Variants in EPHA3 observed in about 807,000 individuals in gnomAD.
EPHA3 encodes EPH receptor A3.
A neutral mutation model predicts 107.1 loss-of-function variants in EPHA3; 42 were observed. That is an observed-to-expected ratio of 0.39 (90% CI 0.31 to 0.51). The LOEUF is 0.51. Among genes scored for constraint, EPHA3 ranks in the 20% least tolerant of loss-of-function variants. The pLI is 0.78. For missense variants in EPHA3, 1,183 were observed against 1,211.2 expected (o/e 0.98, Z 0.35); for synonymous variants, 461 against 424.8 (o/e 1.09, Z -1.05).
chr3:89,134,838 A>G (rs1704279670), intron 2 of EPHA3, among the ~76,000 whole-genome samples: 2 of 152,192 alleles, frequency 1.3e-5, no homozygotes, highest in South Asian at 4.1e-4. Context: ...CAACATCAGT[A>G]AGAAAATTGC....
intron 3 of EPHA3, among the ~76,000 whole-genome samples, chr3:89,267,290 T>C (rs1352153174): frequency 1.3e-5 from 2 of 152,150 alleles, no homozygotes; most frequent in Non-Finnish European, 2.9e-5. Context: ...ACAATTTTCT[T>C]TGTAAGTACA....
In EPHA3 at chr3:89,342,191, A is replaced by T. The variant is rs539611517; in HGVS notation, c.1306+101A>T. The T allele has an allele frequency of 1.2e-4, 129 of 1,072,640 alleles. No homozygotes were observed. In the Admixed American group the frequency reaches 1.2e-3, roughly 10 times the overall value. 66.4% of individuals were successfully genotyped at this position (1,072,640 alleles called of 1,614,324 possible). A position where few individuals can be genotyped will look rare whatever the true frequency, so the allele number is the denominator to read the frequency against. ...GGGCGGAAGGAAAAAAAGATTTTAT[A>T]GAACCCCAGGATTTTGCCTTCTAAC... On this transcript the variant is annotated intron_variant, in intron 5 of 16. Coordinates refer to ENST00000336596, the MANE Select transcript of EPHA3 (RefSeq NM_005233.6).
chr3:89,352,470 G>T (rs982005350), intron 5 of EPHA3, among the ~76,000 whole-genome samples: 1 of 151,066 alleles, frequency 6.6e-6, no homozygotes, highest in African/African-American at 2.4e-5. Context: ...CTCGTTCATG[G>T]TTTTATGGCC....
Position 89,219,686 on chromosome 3 carries a change from A to ATGTGTTTTTTTTTGTTTT in EPHA3, c.814+9169_814+9170insGTTTTTTTTTGTTTTTGT, listed in dbSNP as rs746458955. The stretch of plus-strand genomic sequence containing the variant: ...TGTTACCTCCAAGAGGCATTTGGCA[A>ATGTGTTTTTTTTTGTTTT]TGTTTTTTTTTTTTTTGTTTTTTGT... On this transcript the variant is annotated intron_variant, in intron 3 of 16. Coordinates refer to ENST00000336596, the MANE Select transcript of EPHA3 (RefSeq NM_005233.6). Among the ~76,000 whole-genome samples the ATGTGTTTTTTTTTGTTTT allele has an allele frequency of 1.3e-4, 5 of 38,812 alleles. No homozygotes were observed. In the East Asian group the frequency reaches 3.5e-3, roughly 27 times the overall value. The allele number at this position is 38,812 out of a possible 152,430, so 25.5% of individuals were successfully genotyped here. A position where few individuals can be genotyped will look rare whatever the true frequency, so the allele number is the denominator to read the frequency against.
chr3:89,185,372 C>G (rs1394772237), intron 2 of EPHA3, among the ~76,000 whole-genome samples: 1 of 151,918 alleles, frequency 6.6e-6, no homozygotes, highest in Non-Finnish European at 1.5e-5. Context: ...CTGAATTAAG[C>G]ATTTTATTGG....
intron 2 of EPHA3, among the ~76,000 whole-genome samples, chr3:89,189,130 C>A (rs550421025): frequency 6.6e-6 from 1 of 152,160 alleles, no homozygotes; most frequent in Non-Finnish European, 1.5e-5. Flanking sequence ...AAATTTTAGT[C>A]TTTCTCAGGA....
chr3:89,159,184 A>G (rs1289556174), intron 2 of EPHA3, among the ~76,000 whole-genome samples: 1 of 152,098 alleles, frequency 6.6e-6, no homozygotes, highest in Non-Finnish European at 1.5e-5. Flanking sequence ...ATAATCAAAG[A>G]TTTTATTTTT....
At chr3:89,417,159 C>A (rs1482701152) in intron 10 of EPHA3, among the ~76,000 whole-genome samples, 2 of 151,356 alleles carry the variant, frequency 1.3e-5, no homozygotes, top group Non-Finnish European at 3.0e-5. Flanking sequence ...TTCCTTTAAT[C>A]CCACAACAGC....
At chr3:89,193,509 G>C (rs1233556852) in intron 2 of EPHA3, among the ~76,000 whole-genome samples, 1 of 151,994 alleles carries the variant, frequency 6.6e-6, no homozygotes, top group Non-Finnish European at 1.5e-5. Context: ...GTAAGTGCTA[G>C]TGTTTTATAC....
At chr3:89,477,749 T>C (rs1442196774) in intron 16 of EPHA3, among the ~76,000 whole-genome samples, 1 of 152,154 alleles carries the variant, frequency 6.6e-6, no homozygotes, top group Non-Finnish European at 1.5e-5. Context: ...ATATTTTGTA[T>C]GTTTCTTTCT....
intron 3 of EPHA3, among the ~76,000 whole-genome samples, chr3:89,285,184 GCTGA>G (rs1706050929): frequency 6.6e-6 from 1 of 151,948 alleles, no homozygotes; most frequent in Non-Finnish European, 1.5e-5. Context: ...TTGTTTAATG[GCTGA>G]CAGTTTTAAA....
At chr3:89,381,362 C>T (rs1178839273) in intron 5 of EPHA3, among the ~76,000 whole-genome samples, 1 of 151,632 alleles carries the variant, frequency 6.6e-6, no homozygotes, top group Admixed American at 6.6e-5. Context: ...GTCCCCTCCA[C>T]ATTTATACAT....
At chr3:89,366,182 T>C (rs1243650986) in intron 5 of EPHA3, among the ~76,000 whole-genome samples, 1 of 150,340 alleles carries the variant, frequency 6.7e-6, no homozygotes, top group Non-Finnish European at 1.5e-5. Context: ...ACAGAACCAA[T>C]ACATTCATCA....
chr3:89,259,096 C>T (rs1705355626), intron 3 of EPHA3, among the ~76,000 whole-genome samples: 1 of 152,192 alleles, frequency 6.6e-6, no homozygotes, highest in African/African-American at 2.4e-5. Context: ...TGTGGGGATG[C>T]TGTACAGTTT....
At chr3:89,474,506 A>G (rs1710467546) in intron 16 of EPHA3, among the ~76,000 whole-genome samples, 1 of 152,216 alleles carries the variant, frequency 6.6e-6, no homozygotes, top group Non-Finnish European at 1.5e-5. Flanking sequence ...AGAGCACAGA[A>G]GCATAGCGAA....
At chr3:89,469,938 C>T (rs1710367522) in intron 15 of EPHA3, among the ~76,000 whole-genome samples, 1 of 151,898 alleles carries the variant, frequency 6.6e-6, no homozygotes, top group African/African-American at 2.4e-5. Flanking sequence ...TCTTTCATTT[C>T]AAGTATATAA....
chr3:89,135,731 A>G lies in EPHA3; in HGVS notation c.153+8458A>G, dbSNP rs1015760377. On this transcript the variant is annotated intron_variant, in intron 2 of 16. Transcript: ENST00000336596. The stretch of plus-strand genomic sequence containing the variant: ...ATATTTAGTTAAATGTAGCTAGAAA[A>G]TACAACTGGCTTGTGAACTGAAGTT... Among the ~76,000 whole-genome samples the G allele has an allele frequency of 7.5e-4, 112 of 150,020 alleles. 2 individuals are homozygous for G. The highest frequency in any genetic ancestry group is 1.8e-4 in the Non-Finnish European group (12 of 67,550).
At chr3:89,128,771 C>T (rs1704142478) in intron 2 of EPHA3, among the ~76,000 whole-genome samples, 1 of 151,256 alleles carries the variant, frequency 6.6e-6, no homozygotes, top group African/African-American at 2.4e-5. Context: ...CTTTTTAAAA[C>T]AAGAAATCAT....
intron 10 of EPHA3, among the ~76,000 whole-genome samples, chr3:89,417,726 C>T (rs552654399): frequency 2.0e-4 from 31 of 151,560 alleles, no homozygotes; most frequent in African/African-American, 7.0e-4. Context: ...ATTATCTTCT[C>T]TACACTTCCT....
Sources: allele counts gnomAD v4.1 joint callset (sites outside exome capture counted in the v4.1 genomes callset), GRCh38; gene constraint gnomAD v4.1.1; transcripts MANE v1.5; gene names NCBI Gene and HGNC (gene_info 2026-07-23, HGNC 2026-07-21).